The following ELMO1 variants were observed in gnomAD, a reference collection of about 807,000 sequenced individuals.
ELMO1 encodes the protein engulfment and cell motility 1, also known as engulfment and cell motility protein 1.
Under a neutral mutation model 98.9 loss-of-function variants are expected in ELMO1, and 26 were observed. That is an observed-to-expected ratio of 0.26 (90% CI 0.19 to 0.36). The LOEUF is 0.36. Ranked by LOEUF, ELMO1 falls within the 10% of genes least tolerant of loss-of-function variation. The probability of loss-of-function intolerance (pLI) is 1.00; values close to 1 mark genes in which losing one functional copy is unlikely to be tolerated. For synonymous variants in ELMO1, 346 were observed against 346.0 expected (o/e 1.00, Z 0.00); for missense variants, 627 against 935.2 (o/e 0.67, Z 4.30).
intron 15 of ELMO1, among the ~76,000 whole-genome samples, chr7:37,074,033 A>T (rs1473632405): frequency 6.7e-6 from 1 of 149,812 alleles, no homozygotes; most frequent in Non-Finnish European, 1.5e-5. Context: ...AAAAAATGAA[A>T]ATACTGATCT....
chr7:37,016,513 G>C (rs1419185992), intron 15 of ELMO1, among the ~76,000 whole-genome samples: 1 of 152,174 alleles, frequency 6.6e-6, no homozygotes, highest in Non-Finnish European at 1.5e-5. Flanking sequence ...GCATTTCTCT[G>C]TGGTTGCTGC....
intron 15 of ELMO1, among the ~76,000 whole-genome samples, chr7:37,070,754 G>T (rs1249524410): frequency 6.6e-6 from 1 of 152,148 alleles, no homozygotes; most frequent in African/African-American, 2.4e-5. Context: ...TCACCCTGTG[G>T]AACTAACCAC....
intron 10 of ELMO1, among the ~76,000 whole-genome samples, chr7:37,221,548 C>T (rs556302726): frequency 2.4e-4 from 37 of 152,040 alleles, no homozygotes; most frequent in Non-Finnish European, 4.3e-4. Flanking sequence ...TGAGGTGTGA[C>T]CTAAATTCCA....
At chr7:36,959,572 G>A (rs1788767498) in intron 16 of ELMO1, among the ~76,000 whole-genome samples, 1 of 152,178 alleles carries the variant, frequency 6.6e-6, no homozygotes. Context: ...CTAAGTGAGG[G>A]GAGGGGCTTT....
At chr7:37,347,499 C>T (rs1466462252) in intron 1 of ELMO1, among the ~76,000 whole-genome samples, 5 of 133,790 alleles carry the variant, frequency 3.7e-5, no homozygotes, top group Admixed American at 8.1e-5. Context: ...ACTATTCTTA[C>T]GGTACTATTC....
At chr7:37,083,990 A>T (rs1783620979) in intron 15 of ELMO1, among the ~76,000 whole-genome samples, 1 of 152,232 alleles carries the variant, frequency 6.6e-6, no homozygotes, top group Non-Finnish European at 1.5e-5. Context: ...AAAAAGCAGC[A>T]AGCTGAGAGC....
intron 1 of ELMO1, chr7:37,353,649 C>T (rs1445954563): frequency 6.6e-6 from 1 of 152,180 alleles, no homozygotes; most frequent in African/African-American, 2.4e-5. Context: ...CTGCTACTGG[C>T]TCAGGTGACC....
intron 16 of ELMO1, among the ~76,000 whole-genome samples, chr7:36,902,002 G>A (rs1783602386): frequency 6.6e-6 from 1 of 152,308 alleles, no homozygotes; most frequent in South Asian, 2.1e-4. Flanking sequence ...CTTGGAAGAT[G>A]CTCTGGCCTG....
intron 16 of ELMO1, among the ~76,000 whole-genome samples, chr7:36,896,001 T>C (rs1461533640): frequency 6.6e-6 from 1 of 152,182 alleles, no homozygotes; most frequent in Non-Finnish European, 1.5e-5. Context: ...AATCATACCA[T>C]TGGTCATTAA....
intron 18 of ELMO1, among the ~76,000 whole-genome samples, chr7:36,886,848 G>C (rs74467966): frequency 0.06 from 9,201 of 152,296 alleles, 365 homozygotes; most frequent in South Asian, 0.18. Flanking sequence ...TCAGAAATCT[G>C]CCTTGAGAAA....
chr7:36,974,525 T>C (rs574802757), intron 16 of ELMO1, among the ~76,000 whole-genome samples: 2 of 152,270 alleles, frequency 1.3e-5, no homozygotes, highest in South Asian at 4.1e-4. Context: ...CCACACTCTG[T>C]ATCTAGCTAA....
intron 2 of ELMO1, among the ~76,000 whole-genome samples, chr7:37,317,700 G>A (rs1218132357): frequency 1.3e-5 from 2 of 152,144 alleles, no homozygotes; most frequent in Non-Finnish European, 2.9e-5. Context: ...GTTTGTGGGA[G>A]AGGTGGGGAT....
intron 1 of ELMO1, among the ~76,000 whole-genome samples, chr7:37,344,577 C>A (rs1451895329): frequency 6.6e-6 from 1 of 152,156 alleles, no homozygotes; most frequent in East Asian, 1.9e-4. Context: ...TACATCCTTA[C>A]AATAGATTCA....
At chr7:36,959,273 C>T (rs1788736756) in intron 16 of ELMO1, among the ~76,000 whole-genome samples, 1 of 152,054 alleles carries the variant, frequency 6.6e-6, no homozygotes, top group African/African-American at 2.4e-5. Flanking sequence ...CCTCATGTCC[C>T]CTCATTCCCC....
At chr7:37,085,812 G>A (rs997349541) in intron 15 of ELMO1, among the ~76,000 whole-genome samples, 1 of 152,166 alleles carries the variant, frequency 6.6e-6, no homozygotes, top group Non-Finnish European at 1.5e-5. Flanking sequence ...AATGGCCTCC[G>A]TCATTGATTG....
intron 15 of ELMO1, among the ~76,000 whole-genome samples, chr7:37,023,519 T>C (rs1794396683): frequency 6.6e-6 from 1 of 152,164 alleles, no homozygotes; most frequent in South Asian, 2.1e-4. Context: ...ACCTAACTGC[T>C]ATCAGCTTCT....
intron 15 of ELMO1, among the ~76,000 whole-genome samples, chr7:37,053,098 C>G (rs1796198242): frequency 6.6e-6 from 1 of 152,064 alleles, no homozygotes; most frequent in African/African-American, 2.4e-5. Context: ...ATGGACAAAA[C>G]ACATTTAAAA....
chr7:37,340,658 A>T (rs1800664257), intron 2 of ELMO1, among the ~76,000 whole-genome samples: 1 of 152,224 alleles, frequency 6.6e-6, no homozygotes, highest in Non-Finnish European at 1.5e-5. Flanking sequence ...GGGAAACTGG[A>T]AATAGGGTAT....
chr7:37,089,357 T>TAA (rs538795165), intron 15 of ELMO1, among the ~76,000 whole-genome samples: 3 of 151,410 alleles, frequency 2.0e-5, no homozygotes, highest in Non-Finnish European at 4.4e-5. Flanking sequence ...TGCTTTTTTT[T>TAA]AAAAAAAAAC....
Sources: gnomAD v4.1 joint callset for allele counts (sites outside exome capture counted in the v4.1 genomes callset) on GRCh38, gnomAD v4.1.1 for gene constraint, MANE v1.5 for transcripts, NCBI Gene and HGNC (gene_info 2026-07-23, HGNC 2026-07-21) for gene names.